The following MEI4 variants were observed in gnomAD, a reference collection of about 807,000 sequenced individuals.
The protein encoded by MEI4 is meiotic double-stranded break formation protein 4.
MEI4 carries 27 observed loss-of-function variants against 31.4 expected under a neutral mutation model. That is an observed-to-expected ratio of 0.86 (90% confidence interval 0.63 to 1.19). MEI4 has a LOEUF of 1.19. Ranked by LOEUF, MEI4 falls within the 50% of genes most tolerant of loss-of-function variation. MEI4 has a pLI of 0.00. For missense variants in MEI4, 329 were observed against 398.9 expected (o/e 0.82, Z 1.49); for synonymous variants, 122 against 145.4 (o/e 0.84, Z 1.16).
intron 2 of MEI4, among the ~76,000 whole-genome samples, chr6:77,715,009 T>C (rs1766547709): frequency 6.6e-6 from 1 of 152,188 alleles, no homozygotes; most frequent in East Asian, 1.9e-4. Context: ...CATGCCTTAT[T>C]TATCACTTGA....
At chr6:77,703,632 A>G (rs535105174) in intron 2 of MEI4, among the ~76,000 whole-genome samples, 254 of 152,282 alleles carry the variant, frequency 1.7e-3, no homozygotes, top group Non-Finnish European at 2.8e-3. Flanking sequence ...CTAGAAATCC[A>G]AACGTACCAT....
chr6:77,815,593 AT>A (rs1212007665), intron 3 of MEI4, among the ~76,000 whole-genome samples: 2 of 152,034 alleles, frequency 1.3e-5, no homozygotes, highest in Non-Finnish European at 2.9e-5. Context: ...GTTGGATGAT[AT>A]TCATTCACTT....
chr6:77,738,165 G>A (rs759865263), intron 2 of MEI4, among the ~76,000 whole-genome samples: 26 of 152,296 alleles, frequency 1.7e-4, no homozygotes, highest in African/African-American at 2.4e-5. Context: ...GACAACCAGG[G>A]AAGTCCAGAA....
chr6:77,754,373 C>T (rs1391985012), intron 2 of MEI4, among the ~76,000 whole-genome samples: 5 of 152,212 alleles, frequency 3.3e-5, no homozygotes, highest in Admixed American at 3.3e-4. Context: ...GTTACTTTTA[C>T]TCCAGTTCCC....
chr6:77,858,806 A>AG (rs1346008780), intron 4 of MEI4, among the ~76,000 whole-genome samples: 7 of 105,204 alleles, frequency 6.7e-5, no homozygotes, highest in African/African-American at 2.0e-4. Context: ...GATATACTAC[A>AG]ATTTTTTTTT....
chr6:77,736,064 C>A (rs918882063), intron 2 of MEI4, among the ~76,000 whole-genome samples: 1 of 152,070 alleles, frequency 6.6e-6, no homozygotes, highest in Non-Finnish European at 1.5e-5. Context: ...TTTAAGTCTG[C>A]AGAGGTTACT....
chr6:77,814,370 G>T (rs972476365), intron 3 of MEI4, among the ~76,000 whole-genome samples: 1 of 150,630 alleles, frequency 6.6e-6, no homozygotes, highest in Non-Finnish European at 1.5e-5. Context: ...CAGCAATCTT[G>T]CAAAAGGAAG....
intron 1 of MEI4, among the ~76,000 whole-genome samples, chr6:77,685,312 C>G (rs1467436952): frequency 7.8e-6 from 1 of 128,230 alleles, no homozygotes; most frequent in Non-Finnish European, 1.7e-5. Flanking sequence ...TGTCCCTTCA[C>G]TTTTTTTTTT....
intron 4 of MEI4, among the ~76,000 whole-genome samples, chr6:77,834,112 A>G (rs1246023678): frequency 1.3e-5 from 2 of 152,176 alleles, no homozygotes; most frequent in Non-Finnish European, 2.9e-5. Flanking sequence ...AACCAAAAAA[A>G]TAAGTACCAG....
intron 3 of MEI4, among the ~76,000 whole-genome samples, chr6:77,789,656 G>A (rs1455668954): frequency 6.6e-6 from 1 of 152,186 alleles, no homozygotes; most frequent in Admixed American, 6.5e-5. Context: ...ATGAAAAAAT[G>A]CTCTTCATCA....
chr6:77,880,120 T>G (rs753839922), intron 4 of MEI4, among the ~76,000 whole-genome samples: 4 of 152,228 alleles, frequency 2.6e-5, no homozygotes, highest in Admixed American at 6.5e-5. Context: ...ACTTAATGAT[T>G]ATTTACACAG....
chr6:77,805,806 C>T (rs969926556), intron 3 of MEI4, among the ~76,000 whole-genome samples: 4 of 151,738 alleles, frequency 2.6e-5, no homozygotes, highest in African/African-American at 7.3e-5. Flanking sequence ...TCCCTTAGAA[C>T]AGAAAAATAA....
chr6:77,684,694 T>G (rs1323651206), intron 1 of MEI4, among the ~76,000 whole-genome samples: 1 of 152,158 alleles, frequency 6.6e-6, no homozygotes, highest in Non-Finnish European at 1.5e-5. Context: ...CATTGTTGTT[T>G]GTGGCTGAAT....
intron 4 of MEI4, among the ~76,000 whole-genome samples, chr6:77,873,436 C>CT (rs1275364945): frequency 6.6e-6 from 1 of 152,134 alleles, no homozygotes; most frequent in African/African-American, 2.4e-5. Flanking sequence ...CCTTTGCCCA[C>CT]TTTTTGATGG....
intron 1 of MEI4, among the ~76,000 whole-genome samples, chr6:77,687,748 T>C (rs1008786442): frequency 1.3e-5 from 2 of 152,052 alleles, no homozygotes; most frequent in African/African-American, 2.4e-5. Context: ...GAGAGATGCA[T>C]AGGGCCATGT....
intron 4 of MEI4, among the ~76,000 whole-genome samples, chr6:77,865,818 C>T (rs1771011092): frequency 6.6e-6 from 1 of 152,096 alleles, no homozygotes; most frequent in Admixed American, 6.5e-5. Flanking sequence ...AACATTGATG[C>T]AAAAATCCTC....
rs201530530 is a variant in MEI4 at position 77,885,208 on chromosome 6, CAG to C, written c.901-37880_901-37879del. Among the ~76,000 whole-genome samples, 1,176 of 148,386 alleles carry C rather than the reference CAG, an allele frequency of 7.9e-3. 16 individuals are homozygous for C. The highest frequency in any genetic ancestry group is 0.028 in the African/African-American group (1,127 of 40,192). ...CTTTTTTTTTTTTTTAATTTTGAGA[CAG>C]GGGCTAACTCTGTCACCCAGGCTAG... On this transcript the variant is annotated intron_variant, in intron 4 of 4. Coordinates refer to ENST00000684080, the MANE Select transcript of MEI4 (RefSeq NM_001322247.2).
intron 4 of MEI4, among the ~76,000 whole-genome samples, chr6:77,841,330 T>TAC (rs1462773166): frequency 0.049 from 3,247 of 66,816 alleles, 59 homozygotes; most frequent in East Asian, 0.096. Context: ...TATATATATA[T>TAC]ATATTTTTTT....
intron 4 of MEI4, among the ~76,000 whole-genome samples, chr6:77,871,723 C>A (rs1000452434): frequency 3.5e-4 from 52 of 149,254 alleles, no homozygotes; most frequent in Non-Finnish European, 1.8e-4. Flanking sequence ...TTTAAAAAAA[C>A]ATTTTTAAAT....
Sources: allele counts gnomAD v4.1 joint callset (sites outside exome capture counted in the v4.1 genomes callset), GRCh38; gene constraint gnomAD v4.1.1; transcripts MANE v1.5; gene names NCBI Gene and HGNC (gene_info 2026-07-23, HGNC 2026-07-21).